The following FUT8 variants were observed in gnomAD, a reference collection of about 807,000 sequenced individuals.
FUT8 encodes fucosyltransferase 8.
Under a neutral mutation model 71.3 loss-of-function variants are expected in FUT8, and 29 were observed. The ratio of observed to expected loss-of-function variants is 0.41; its 90% CI spans 0.30 to 0.55. The LOEUF (loss-of-function observed/expected upper bound fraction) is 0.55. FUT8 is among the 20% of genes least tolerant of loss of function. FUT8 has a pLI of 0.34. For synonymous variants in FUT8, 254 were observed against 239.3 expected (o/e 1.06, Z -0.57); for missense variants, 544 against 702.1 (o/e 0.77, Z 2.55).
At chr14:65,473,493 G>A (rs1027714848) in intron 2 of FUT8, among the ~76,000 whole-genome samples, 5 of 152,006 alleles carry the variant, frequency 3.3e-5, no homozygotes, top group East Asian at 1.9e-4. Flanking sequence ...ACATTGCCAC[G>A]GCAGTTTACA....
chr14:65,737,994 GGATACCTGTT>G (rs1424542639), intron 10 of FUT8, among the ~76,000 whole-genome samples: 1 of 152,074 alleles, frequency 6.6e-6, no homozygotes, highest in Non-Finnish European at 1.5e-5. Flanking sequence ...AAACAACAGT[GGATACCTGTT>G]GAGAGTACCA....
intron 7 of FUT8, among the ~76,000 whole-genome samples, chr14:65,685,226 A>G (rs1893225112): frequency 6.6e-6 from 1 of 152,172 alleles, no homozygotes; most frequent in Non-Finnish European, 1.5e-5. Context: ...TTTGCAAAGT[A>G]CCGCTCCATT....
At chr14:65,647,433 A>G (rs1891172096) in intron 6 of FUT8, among the ~76,000 whole-genome samples, 1 of 152,136 alleles carries the variant, frequency 6.6e-6, no homozygotes, top group Non-Finnish European at 1.5e-5. Context: ...AGAGGTTTGT[A>G]CTTATCTTTG....
intron 5 of FUT8, among the ~76,000 whole-genome samples, chr14:65,623,249 G>C (rs1373141530): frequency 2.0e-5 from 3 of 152,116 alleles, no homozygotes; most frequent in South Asian, 2.1e-4. Flanking sequence ...TTTGTGTTTG[G>C]TTCCTCAGTG....
In FUT8 at chr14:65,669,473, C is replaced by G. The variant is rs770417493; in HGVS notation, c.828C>G (p.His276Gln). 7 of 1,609,480 alleles carry G rather than the reference C, an allele frequency of 4.3e-6. No individual in the cohort carries two copies. Among genetic ancestry groups the G allele is most frequent in the Middle Eastern group, 1.7e-4 (1 of 6,058 alleles). Residue 276 changes from histidine (H) to glutamine (Q), a missense_variant, in exon 7 of 11, where the codon CAC becomes CAG. Physicochemically the swap from His to Gln is conservative, Grantham distance 24. Coordinates refer to ENST00000673929, the MANE Select transcript of FUT8 (RefSeq NM_001371533.1). The surrounding 1 kb of genome is among the most constrained non-coding windows in gnomAD (Gnocchi z 4.5). ...ACAGATCTGGCATCTCCACTGGACA[C>G]TGGTCAGGTAAGGAGCTTGTGCAGC... ...CTDRSGISTG[H>Q]WSGEVKDKNV...
intron 1 of FUT8, among the ~76,000 whole-genome samples, chr14:65,436,625 T>C (rs2065564866): frequency 2.0e-5 from 1 of 49,990 alleles, no homozygotes; most frequent in Admixed American, 2.2e-4. Flanking sequence ...CGAGACTCCC[T>C]CTCAAAAAAA....
At chr14:65,499,498 T>C (rs984206634) in intron 2 of FUT8, among the ~76,000 whole-genome samples, 1 of 152,056 alleles carries the variant, frequency 6.6e-6, no homozygotes, top group Non-Finnish European at 1.5e-5. Context: ...TTTATAGGTG[T>C]GTTGATGATT....
chr14:65,640,922 A>G (rs1890794504), intron 6 of FUT8, among the ~76,000 whole-genome samples: 1 of 152,196 alleles, frequency 6.6e-6, no homozygotes, highest in Admixed American at 6.5e-5. Context: ...TGTTTAACAC[A>G]AATATGAAGG....
In FUT8 at chr14:65,472,194, TA is replaced by T. The variant is rs2066157821; in HGVS notation, c.-228+16477del. On this transcript the variant is annotated intron_variant, in intron 2 of 10. Coordinates refer to ENST00000673929, the MANE Select transcript of FUT8 (RefSeq NM_001371533.1). This position sits in a 1 kb window ranked among gnomAD's most constrained non-coding sequence, Gnocchi z 4.4. The stretch of plus-strand genomic sequence containing the variant: ...GAGGGCCTTAGGCTACTTCCACTGA[TA>T]GCAGAAGGCAAAGAGGTGCCAGCTT... Among the ~76,000 whole-genome samples, 1 of 152,108 alleles carries T rather than the reference TA, an allele frequency of 6.6e-6. No individual in the cohort carries two copies. Among genetic ancestry groups the T allele is most frequent in the African/African-American group, 2.4e-5 (1 of 41,422 alleles).
At chr14:65,396,980 G>T in the FUT8 span, among the ~76,000 whole-genome samples, 1 of 152,142 alleles carries the variant, frequency 6.6e-6, no homozygotes, top group Non-Finnish European at 1.5e-5. The surrounding 1 kb of genome is among the most constrained non-coding windows in gnomAD (Gnocchi z 5.5). Flanking sequence ...TGAGTAGCTG[G>T]TACTACAGGC....
chr14:65,491,310 A>T (rs1485502164), intron 2 of FUT8, among the ~76,000 whole-genome samples: 1 of 152,164 alleles, frequency 6.6e-6, no homozygotes, highest in Non-Finnish European at 1.5e-5. Context: ...TCATTAATCA[A>T]AGGGGGTTTA....
At chr14:65,383,104 T>G in the FUT8 span, among the ~76,000 whole-genome samples, 1 of 152,018 alleles carries the variant, frequency 6.6e-6, no homozygotes, top group Non-Finnish European at 1.5e-5. Flanking sequence ...AACGCCCCAT[T>G]TTAGAATCTT....
At chr14:65,698,639 G>T (rs1894120613) in intron 7 of FUT8, among the ~76,000 whole-genome samples, 2 of 152,142 alleles carry the variant, frequency 1.3e-5, no homozygotes, top group African/African-American at 4.8e-5. Context: ...TAAAACTGTG[G>T]CATTTGCAAA....
intron 6 of FUT8, among the ~76,000 whole-genome samples, chr14:65,664,887 A>G (rs999262161): frequency 6.6e-6 from 1 of 152,086 alleles, no homozygotes; most frequent in Non-Finnish European, 1.5e-5. Context: ...GCTCAGACTG[A>G]TTTTGTTATA....
At chr14:65,680,322 T>C (rs1057197371) in intron 7 of FUT8, among the ~76,000 whole-genome samples, 1 of 152,262 alleles carries the variant, frequency 6.6e-6, no homozygotes, top group Non-Finnish European at 1.5e-5. Flanking sequence ...AGAAACTTTA[T>C]AGTTTTAGCT....
At chr14:65,677,830 A>G (rs1036818556) in intron 7 of FUT8, among the ~76,000 whole-genome samples, 1 of 152,180 alleles carries the variant, frequency 6.6e-6, no homozygotes, top group African/African-American at 2.4e-5. Context: ...TAAATGTAAA[A>G]AAGGTAGTGT....
chr14:65,630,849 C>A (rs1890145344), intron 6 of FUT8, among the ~76,000 whole-genome samples: 1 of 152,186 alleles, frequency 6.6e-6, no homozygotes, highest in South Asian at 2.1e-4. Flanking sequence ...GACCTTGGAA[C>A]ATCCTCCACC....
chr14:65,620,348 A>G (rs1371735503), intron 5 of FUT8, among the ~76,000 whole-genome samples: 1 of 152,178 alleles, frequency 6.6e-6, no homozygotes, highest in East Asian at 1.9e-4. Context: ...AGTAATATAT[A>G]GGGCAGCTGT....
intron 1 of FUT8, among the ~76,000 whole-genome samples, chr14:65,450,929 T>A (rs1361062761): frequency 6.6e-6 from 1 of 151,190 alleles, no homozygotes; most frequent in African/African-American, 2.4e-5. Flanking sequence ...GCAGTGGCGC[T>A]CACTGCAAGC....
Sources: gnomAD v4.1 joint callset for allele counts (sites outside exome capture counted in the v4.1 genomes callset) on GRCh38, gnomAD v4.1.1 for gene constraint, Gnocchi (gnomAD v3.1) non-coding constraint, MANE v1.5 for transcripts, NCBI Gene and HGNC (gene_info 2026-07-23, HGNC 2026-07-21) for gene names.